Variants in HHAT observed in about 807,000 individuals in gnomAD.
HHAT encodes protein-cysteine N-palmitoyltransferase HHAT.
HHAT carries 47 observed loss-of-function variants against 70.8 expected under a neutral mutation model. The ratio of observed to expected loss-of-function variants is 0.66; its 90% CI spans 0.53 to 0.85. The LOEUF is 0.85. Ranked by LOEUF, HHAT falls within the 40% of genes least tolerant of loss-of-function variation. The pLI, the probability that HHAT is intolerant of heterozygous loss-of-function variation, is 0.00. For synonymous variants in HHAT, 228 were observed against 247.6 expected (o/e 0.92, Z 0.74); for missense variants, 609 against 604.8 (o/e 1.01, Z -0.07).
At chr1:210,521,631 G>A (rs1433545685) in intron 9 of HHAT, among the ~76,000 whole-genome samples, 17 of 152,162 alleles carry the variant, frequency 1.1e-4, no homozygotes. Context: ...ATCATTTGAA[G>A]TGTTTCTTGG....
chr1:210,598,336 C>G (rs944936806), intron 10 of HHAT, among the ~76,000 whole-genome samples: 2 of 151,826 alleles, frequency 1.3e-5, no homozygotes, highest in African/African-American at 4.9e-5. Context: ...GATGCTCTGG[C>G]TGGTGACTCA....
At chr1:210,415,580 A>G (rs2092696057) in intron 6 of HHAT, among the ~76,000 whole-genome samples, 2 of 152,200 alleles carry the variant, frequency 1.3e-5, no homozygotes, top group Non-Finnish European at 2.9e-5. Context: ...AACAGTGCAG[A>G]TTGGTATGGC....
Position 210,623,690 on chromosome 1 carries a change from T to C in HHAT, c.1390+20T>C. On this transcript the variant is annotated intron_variant, in intron 11 of 11. Coordinates refer to ENST00000261458, the MANE Select transcript of HHAT (RefSeq NM_018194.6). ...TACAAGGTAAGTTGCTTGACAGTGCTGTTTTCAGTCAGTTTCTTGTTTTCC... is the reference window on the plus strand; with the variant it reads ...TACAAGGTAAGTTGCTTGACAGTGCCGTTTTCAGTCAGTTTCTTGTTTTCC... The C allele has an allele frequency of 6.2e-7, 1 of 1,609,494 alleles. No individual in the cohort carries two copies. The highest frequency in any genetic ancestry group is 1.1e-5 in the South Asian group (1 of 90,572).
chr1:210,546,775 T>C (rs549575351), intron 9 of HHAT, among the ~76,000 whole-genome samples: 4 of 152,276 alleles, frequency 2.6e-5, no homozygotes, highest in African/African-American at 7.2e-5. Flanking sequence ...GAGCAGAGCC[T>C]GAAGCTTCAC....
At chr1:210,549,550 A>G (rs2095511524) in intron 9 of HHAT, among the ~76,000 whole-genome samples, 1 of 148,966 alleles carries the variant, frequency 6.7e-6, no homozygotes, top group Admixed American at 6.9e-5. Context: ...GAAGACATCC[A>G]TATGCCTACA....
At chr1:210,446,208 C>T (rs182178764) in intron 7 of HHAT, among the ~76,000 whole-genome samples, 14 of 152,268 alleles carry the variant, frequency 9.2e-5, no homozygotes, top group Admixed American at 1.3e-4. Flanking sequence ...TGGGGCCTCA[C>T]GGGAGCCTTA....
At chr1:210,406,872 A>G (rs1285250478) in intron 6 of HHAT, among the ~76,000 whole-genome samples, 1 of 152,116 alleles carries the variant, frequency 6.6e-6, no homozygotes, top group Non-Finnish European at 1.5e-5. Flanking sequence ...CCAGGTATAG[A>G]CACTCTGGGT....
At chr1:210,543,032 T>C (rs956782744) in intron 9 of HHAT, among the ~76,000 whole-genome samples, 1 of 152,218 alleles carries the variant, frequency 6.6e-6, no homozygotes, top group African/African-American at 2.4e-5. Flanking sequence ...ATTTGCTTCA[T>C]TGTAATGACC....
chr1:210,477,760 C>T (rs1201332657), intron 8 of HHAT, among the ~76,000 whole-genome samples: 1 of 152,174 alleles, frequency 6.6e-6, no homozygotes, highest in Admixed American at 6.5e-5. Context: ...GCGAGGCAGT[C>T]AGGCAAGGTT....
At chr1:210,514,720 G>A (rs2095025046) in intron 9 of HHAT, among the ~76,000 whole-genome samples, 1 of 152,186 alleles carries the variant, frequency 6.6e-6, no homozygotes, top group African/African-American at 2.4e-5. Context: ...AGGGGGGTGA[G>A]GCAGGTTGAG....
chr1:210,458,605 G>C (rs935789692), intron 7 of HHAT, among the ~76,000 whole-genome samples: 13 of 152,100 alleles, frequency 8.5e-5, no homozygotes, highest in African/African-American at 2.9e-4. Flanking sequence ...TGGAGGAAGG[G>C]GACCTCTAGG....
chr1:210,395,171 G>T (rs75164960), intron 4 of HHAT, among the ~76,000 whole-genome samples: 4,049 of 152,182 alleles, frequency 0.027, 183 homozygotes, highest in African/African-American at 0.087. Context: ...AGGCAGGGAC[G>T]TCTGATAATG....
At chr1:210,461,277 G>T (rs905220847) in intron 7 of HHAT, among the ~76,000 whole-genome samples, 19 of 152,048 alleles carry the variant, frequency 1.2e-4, no homozygotes, top group African/African-American at 4.3e-4. Flanking sequence ...TAGGTCAAGG[G>T]GAAAGAAGAA....
chr1:210,605,042 A>G (rs1558258066), intron 10 of HHAT, among the ~76,000 whole-genome samples: 1 of 152,126 alleles, frequency 6.6e-6, no homozygotes, highest in Non-Finnish European at 1.5e-5. Context: ...AACAACAACA[A>G]CAAAGAAATT....
At chr1:210,366,361 G>T (rs139770200) in intron 3 of HHAT, among the ~76,000 whole-genome samples, 7 of 152,310 alleles carry the variant, frequency 4.6e-5, no homozygotes, top group African/African-American at 1.7e-4. Context: ...GCTGGGTGTG[G>T]TGGCTCACTC....
chr1:210,344,259 GTTGAAACTATGTTATTGTTTCA>G (rs1308796479), intron 1 of HHAT, among the ~76,000 whole-genome samples: 5 of 150,158 alleles, frequency 3.3e-5, no homozygotes, highest in Admixed American at 2.6e-4. Flanking sequence ...ATAGAGCATT[GTTGAAACTATGTTATTGTTTCA>G]TTGAAACAAT....
chr1:210,543,139 A>G (rs950010795), intron 9 of HHAT, among the ~76,000 whole-genome samples: 12 of 152,232 alleles, frequency 7.9e-5, no homozygotes, highest in Admixed American at 7.9e-4. Context: ...GTTTGTAATC[A>G]GGAGCTGATG....
At chr1:210,436,140 G>A (rs1423093224) in intron 7 of HHAT, among the ~76,000 whole-genome samples, 2 of 151,764 alleles carry the variant, frequency 1.3e-5, no homozygotes, top group Non-Finnish European at 2.9e-5. Context: ...TTTTGTATAT[G>A]GTGAGAGATA....
chr1:210,643,383 G>A (rs1673354340), intron 11 of HHAT, among the ~76,000 whole-genome samples: 1 of 152,104 alleles, frequency 6.6e-6, no homozygotes, highest in Non-Finnish European at 1.5e-5. Context: ...CTACAATATT[G>A]GTACATCCCT....
Sources: gnomAD v4.1 joint callset for allele counts (sites outside exome capture counted in the v4.1 genomes callset) on GRCh38, gnomAD v4.1.1 for gene constraint, MANE v1.5 for transcripts, NCBI Gene and HGNC (gene_info 2026-07-23, HGNC 2026-07-21) for gene names.